Variants in PTPRM observed in about 807,000 individuals in gnomAD.
PTPRM encodes the protein receptor-type tyrosine-protein phosphatase mu.
PTPRM carries 47 observed loss-of-function variants against 186.7 expected under a neutral mutation model. The observed-to-expected ratio is 0.25, with a 90% CI of 0.20 to 0.32. The LOEUF (loss-of-function observed/expected upper bound fraction) is 0.32. PTPRM is among the 10% of genes least tolerant of loss of function. The probability of loss-of-function intolerance (pLI) is 1.00; values close to 1 mark genes in which losing one functional copy is unlikely to be tolerated. For missense variants in PTPRM, 1,494 were observed against 1,865.0 expected (o/e 0.80, Z 3.66); for synonymous variants, 668 against 674.9 (o/e 0.99, Z 0.16).
Position 7,888,321 on chromosome 18 carries a change from C to A in PTPRM, c.412C>A (p.Arg138Ser), listed in dbSNP as rs771044309. ...PIWNISGDPT[R>S]TWNRAELAIS... ...CTGGAATATATCTGGAGACCCAACACGTACATGGAACAGGGCAGAACTGGC... is the reference window on the plus strand; with the variant it reads ...CTGGAATATATCTGGAGACCCAACAAGTACATGGAACAGGGCAGAACTGGC... The change falls in exon 3 of 33, where the codon CGT becomes AGT. Residue 138 changes from arginine (R) to serine (S), a missense_variant. Physicochemically the swap from Arg to Ser is moderately radical, Grantham distance 110. Transcript: ENST00000580170. 12 of 1,614,092 alleles carry A rather than the reference C, an allele frequency of 7.4e-6. No homozygotes were observed. In the South Asian group the frequency reaches 1.3e-4, roughly 18 times the overall value.
At chr18:8,004,283 G>A (rs1005230385) in intron 7 of PTPRM, among the ~76,000 whole-genome samples, 4 of 152,122 alleles carry the variant, frequency 2.6e-5, no homozygotes, top group African/African-American at 9.7e-5. Context: ...TAGAATCACT[G>A]TAATTTTGCA....
chr18:7,992,597 C>T (rs1037398699), intron 7 of PTPRM, among the ~76,000 whole-genome samples: 2 of 152,024 alleles, frequency 1.3e-5, no homozygotes, highest in Non-Finnish European at 2.9e-5. Context: ...ATTTGAGAAA[C>T]AAAACGTTAA....
chr18:7,802,325 T>C (rs1598789394), intron 2 of PTPRM, among the ~76,000 whole-genome samples: 1 of 152,218 alleles, frequency 6.6e-6, no homozygotes, highest in Non-Finnish European at 1.5e-5. Flanking sequence ...GGAATTGTTT[T>C]ATTTATTTCA....
chr18:8,248,289 G>A (rs767397681), intron 17 of PTPRM, 113 bp downstream of exon 17: 24 of 1,041,996 alleles, frequency 2.3e-5, no homozygotes, highest in African/African-American at 2.2e-4. Flanking sequence ...TTATAAGCAC[G>A]ACATGTGGGA....
chr18:7,850,377 A>G (rs1351407075), intron 2 of PTPRM, among the ~76,000 whole-genome samples: 3 of 151,756 alleles, frequency 2.0e-5, no homozygotes, highest in Admixed American at 6.6e-5. Context: ...AGGGATATCA[A>G]TTTGAAAGTA....
intron 27 of PTPRM, among the ~76,000 whole-genome samples, chr18:8,378,632 G>A (rs2095711404): frequency 6.6e-6 from 1 of 151,982 alleles, no homozygotes; most frequent in African/African-American, 2.4e-5. Context: ...GTCCCCCTGG[G>A]GGACAGAAAT....
intron 7 of PTPRM, among the ~76,000 whole-genome samples, chr18:7,993,202 T>C (rs772570707): frequency 2.0e-5 from 3 of 151,686 alleles, no homozygotes; most frequent in Non-Finnish European, 4.4e-5. Flanking sequence ...AAAAATAATT[T>C]TAAAAAGAAA....
chr18:8,100,851 G>C (rs572746142), intron 11 of PTPRM, among the ~76,000 whole-genome samples: 2 of 152,080 alleles, frequency 1.3e-5, no homozygotes, highest in Non-Finnish European at 2.9e-5. Flanking sequence ...ATTATACTCC[G>C]CTTTTAGTAA....
chr18:8,323,518 T>C (rs1371331411), intron 22 of PTPRM, among the ~76,000 whole-genome samples: 1 of 152,186 alleles, frequency 6.6e-6, no homozygotes, highest in African/African-American at 2.4e-5. Context: ...GAGCTATAGA[T>C]TGTTGAGATG....
chr18:8,016,156 G>A (rs1340167586), intron 7 of PTPRM, among the ~76,000 whole-genome samples: 2 of 152,128 alleles, frequency 1.3e-5, no homozygotes, highest in African/African-American at 4.8e-5. Flanking sequence ...CTGGCTGATG[G>A]AAGAAAATGG....
chr18:7,732,666 CTGG>C (rs1158517534), intron 1 of PTPRM, among the ~76,000 whole-genome samples: 2 of 152,016 alleles, frequency 1.3e-5, no homozygotes, highest in Admixed American at 6.6e-5. Flanking sequence ...ACCCCCATGC[CTGG>C]CTAATTTTTG....
chr18:8,050,931 G>C (rs1220655773), intron 7 of PTPRM, among the ~76,000 whole-genome samples: 3 of 152,102 alleles, frequency 2.0e-5, no homozygotes, highest in African/African-American at 4.8e-5. Flanking sequence ...GGTGAGGGGA[G>C]GGGGAGCAAC....
intron 2 of PTPRM, among the ~76,000 whole-genome samples, chr18:7,776,516 T>C (rs888085097): frequency 6.6e-6 from 1 of 152,060 alleles, no homozygotes; most frequent in Non-Finnish European, 1.5e-5. Flanking sequence ...TTCTTTCTTT[T>C]TTTTTTTACT....
intron 7 of PTPRM, among the ~76,000 whole-genome samples, chr18:7,982,024 C>T (rs966562215): frequency 6.6e-6 from 1 of 152,170 alleles, no homozygotes; most frequent in East Asian, 1.9e-4. Flanking sequence ...TAGGACATTA[C>T]TGTACACCAC....
At chr18:8,079,289 T>G (rs760028013) in intron 9 of PTPRM, among the ~76,000 whole-genome samples, 7 of 152,182 alleles carry the variant, frequency 4.6e-5, no homozygotes, top group Non-Finnish European at 8.8e-5. Flanking sequence ...CCTCAGTCAT[T>G]TAATTTTGTC....
chr18:7,842,035 C>T (rs1017837225), intron 2 of PTPRM, among the ~76,000 whole-genome samples: 4 of 151,910 alleles, frequency 2.6e-5, no homozygotes, highest in African/African-American at 9.7e-5. Context: ...GGTCCAGTTC[C>T]TTGAGCAGGT....
chr18:7,972,848 T>G (rs1230621129), intron 7 of PTPRM, among the ~76,000 whole-genome samples: 2 of 152,138 alleles, frequency 1.3e-5, no homozygotes, highest in Non-Finnish European at 2.9e-5. Context: ...AATCCTTTTG[T>G]GTTTATCCTT....
chr18:8,038,877 G>A (rs1248719169), intron 7 of PTPRM, among the ~76,000 whole-genome samples: 2 of 152,150 alleles, frequency 1.3e-5, no homozygotes, highest in African/African-American at 4.8e-5. Context: ...AGCCAGAATT[G>A]GGATAGTTGT....
At chr18:8,026,702 CA>C in intron 7 of PTPRM, among the ~76,000 whole-genome samples, 1 of 151,994 alleles carries the variant, frequency 6.6e-6, no homozygotes, top group East Asian at 1.9e-4. Flanking sequence ...ACTAAAAATA[CA>C]AAAAATTAGC....
Sources: gnomAD v4.1 joint callset for allele counts (sites outside exome capture counted in the v4.1 genomes callset) on GRCh38, gnomAD v4.1.1 for gene constraint, MANE v1.5 for transcripts, NCBI Gene and HGNC (gene_info 2026-07-23, HGNC 2026-07-21) for gene names.